The following STARD13 variants were observed in gnomAD, a reference collection of about 807,000 sequenced individuals.
STARD13 encodes the protein stAR-related lipid transfer protein 13.
STARD13 carries 62 observed loss-of-function variants against 106.4 expected under a neutral mutation model. The ratio of observed to expected loss-of-function variants is 0.58; its 90% CI spans 0.48 to 0.72. The LOEUF is 0.72. STARD13 is among the 30% of genes least tolerant of loss of function. STARD13 has a pLI of 0.00. For missense variants in STARD13, 1,387 were observed against 1,424.0 expected (o/e 0.97, Z 0.42); for synonymous variants, 565 against 553.0 (o/e 1.02, Z -0.31).
the STARD13 span, among the ~76,000 whole-genome samples, chr13:33,582,808 G>A: frequency 6.6e-6 from 1 of 152,086 alleles, no homozygotes; most frequent in Admixed American, 6.6e-5. Flanking sequence ...CTAAGCTATG[G>A]GAAATATTTT....
chr13:33,335,710 C>T (rs2077888467), intron 1 of STARD13, among the ~76,000 whole-genome samples: 1 of 152,250 alleles, frequency 6.6e-6, no homozygotes. Flanking sequence ...TGAAATTCAG[C>T]CCCAGCTACA....
At chr13:33,237,973 A>G (rs1430731855) in intron 1 of STARD13, among the ~76,000 whole-genome samples, 1 of 152,262 alleles carries the variant, frequency 6.6e-6, no homozygotes, top group African/African-American at 2.4e-5. Flanking sequence ...AACACATCTT[A>G]TGTAAACGAC....
At chr13:33,263,258 T>C (rs1157794178) in intron 1 of STARD13, among the ~76,000 whole-genome samples, 1 of 151,838 alleles carries the variant, frequency 6.6e-6, no homozygotes, top group Non-Finnish European at 1.5e-5. Flanking sequence ...CACCCCCTAG[T>C]TGTGATCATC....
chr13:33,671,602 T>C, the STARD13 span, among the ~76,000 whole-genome samples: 1 of 152,124 alleles, frequency 6.6e-6, no homozygotes. Context: ...TGGTGGTGCA[T>C]ACTTTTATTC....
chr13:33,549,562 A>C, the STARD13 span, among the ~76,000 whole-genome samples: 1 of 152,224 alleles, frequency 6.6e-6, no homozygotes, highest in Non-Finnish European at 1.5e-5. Flanking sequence ...CATTTTCACC[A>C]TGTCATCTAT....
intron 1 of STARD13, among the ~76,000 whole-genome samples, chr13:33,206,490 C>CAA (rs2138119587): frequency 6.6e-6 from 1 of 152,208 alleles, no homozygotes; most frequent in East Asian, 1.9e-4. Flanking sequence ...ATAACAAAAT[C>CAA]AGTGCACATT....
chr13:33,143,830 C>G (rs150689518), intron 3 of STARD13, among the ~76,000 whole-genome samples: 1 of 152,186 alleles, frequency 6.6e-6, no homozygotes, highest in African/African-American at 2.4e-5. Flanking sequence ...GGATTACAGG[C>G]GTGAGCCACC....
intron 1 of STARD13, among the ~76,000 whole-genome samples, chr13:33,201,278 C>T (rs1423788381): frequency 6.6e-6 from 1 of 152,068 alleles, no homozygotes; most frequent in Non-Finnish European, 1.5e-5. Context: ...CCCTCCCACA[C>T]TGAGCACAGA....
chr13:33,349,567 C>A (rs1594293983), intron 1 of STARD13, among the ~76,000 whole-genome samples: 1 of 152,192 alleles, frequency 6.6e-6, no homozygotes, highest in South Asian at 2.1e-4. Context: ...AAGGAGGGGG[C>A]GGCCTTCTGA....
the STARD13 span, among the ~76,000 whole-genome samples, chr13:33,599,367 T>A: frequency 6.6e-6 from 1 of 152,192 alleles, no homozygotes; most frequent in African/African-American, 2.4e-5. Flanking sequence ...AGTTTGAGGA[T>A]CTCAGTAACA....
upstream of STARD13, among the ~76,000 whole-genome samples, chr13:33,288,362 C>G (rs916840601): frequency 2.0e-5 from 3 of 152,028 alleles, no homozygotes; most frequent in African/African-American, 7.3e-5. Flanking sequence ...TCTCCAACTC[C>G]TGGGCTCAAG....
At chr13:33,612,989 A>G in the STARD13 span, among the ~76,000 whole-genome samples, 2 of 152,178 alleles carry the variant, frequency 1.3e-5, no homozygotes, top group Non-Finnish European at 2.9e-5. Context: ...AGCAACTTCA[A>G]AGTTCAAATT....
chr13:33,602,645 TG>T, the STARD13 span, among the ~76,000 whole-genome samples: 1 of 152,176 alleles, frequency 6.6e-6, no homozygotes, highest in Non-Finnish European at 1.5e-5. Flanking sequence ...CCTGGGGCCA[TG>T]GACCGGTCTG....
At position 33,112,877 on chromosome 13, in the gene STARD13, G is replaced by A; in HGVS notation, c.2336C>T (p.Ala779Val). 6.2e-7 allele frequency: 1 copy of A among 1,613,724 alleles called. No homozygotes were observed. The highest frequency in any genetic ancestry group is 8.5e-7 in the Non-Finnish European group (1 of 1,179,798). The change falls in exon 9 of 14, where the codon GCC (alanine) becomes GTC (valine). Residue 779 changes from alanine to valine, a missense_variant. Transcript: ENST00000336934. The part of the protein sequence containing the change: ...QAVQAAILLL[A>V]DENREVLQTL... ...CTGCAGGACCTCCCTGTTCTCATCG[G>A]CCAGTAGCAGGATGGCAGCCTGCAC... is the stretch of plus-strand genomic sequence containing the variant.
chr13:33,542,959 C>T, the STARD13 span, among the ~76,000 whole-genome samples: 5 of 152,206 alleles, frequency 3.3e-5, 1 homozygote, highest in South Asian at 6.2e-4. Context: ...GTCTCCGCCC[C>T]GCCGAGTTCC....
intron 3 of STARD13, among the ~76,000 whole-genome samples, chr13:33,151,662 A>G (rs1881299249): frequency 6.6e-6 from 1 of 152,216 alleles, no homozygotes; most frequent in Non-Finnish European, 1.5e-5. Context: ...AAAGGATTCA[A>G]ATGAAGATGT....
At chr13:33,616,023 G>A in the STARD13 span, among the ~76,000 whole-genome samples, 2 of 152,086 alleles carry the variant, frequency 1.3e-5, no homozygotes, top group Admixed American at 1.3e-4. Context: ...ATTTTGTGTT[G>A]TATTATTTAA....
chr13:33,675,442 A>C, the STARD13 span, among the ~76,000 whole-genome samples: 1 of 152,220 alleles, frequency 6.6e-6, no homozygotes, highest in African/African-American at 2.4e-5. Context: ...CTCAGATTTT[A>C]GGTAGGATGT....
Position 33,285,589 on chromosome 13 carries a change from T to G in STARD13, c.50A>C (p.Asn17Thr). ...RTPASGCYYL[N>T]SMTPEGQEMY... The stretch of plus-strand genomic sequence containing the variant: ...CTCCTGGCCCTCAGGTGTCATGGAA[T>G]TTAGGTAGTAGCAGCCTGAGGCTGG... Residue 17 changes from asparagine (N) to threonine (T), a missense_variant, in exon 1 of 14, where the codon AAT becomes ACT. Coordinates refer to ENST00000336934, the MANE Select transcript of STARD13 (RefSeq NM_178006.4). 6.2e-7 allele frequency: 1 copy of G among 1,613,926 alleles called. No individual in the cohort carries two copies. The highest frequency in any genetic ancestry group is 8.5e-7 in the Non-Finnish European group (1 of 1,179,908).
Sources: allele counts gnomAD v4.1 joint callset (sites outside exome capture counted in the v4.1 genomes callset), GRCh38; gene constraint gnomAD v4.1.1; transcripts MANE v1.5; gene names NCBI Gene and HGNC (gene_info 2026-07-23, HGNC 2026-07-21).